Variants in LRP1B observed in about 807,000 individuals in gnomAD.
LRP1B encodes the protein LDL receptor related protein 1B, also known as low-density lipoprotein receptor-related protein 1B.
In LRP1B, 217 loss-of-function variants were observed where a neutral mutation model predicts 556.6. The observed-to-expected ratio is 0.39, with a 90% CI of 0.35 to 0.44. LRP1B has a LOEUF of 0.44. Among genes scored for constraint, LRP1B ranks in the 20% least tolerant of loss-of-function variants. LRP1B has a pLI of 1.00. For missense variants in LRP1B, 5,053 were observed against 5,620.8 expected, an observed-to-expected ratio of 0.90 and a Z score of 3.23; for synonymous variants, 2,047 against 1,865.8, an observed-to-expected ratio of 1.10 and a Z score of -2.50.
At chr2:141,690,048 C>A (rs1691459420) in intron 2 of LRP1B, among the ~76,000 whole-genome samples, 2 of 151,550 alleles carry the variant, frequency 1.3e-5, no homozygotes, top group South Asian at 4.1e-4. Flanking sequence ...AAGAGAAAAA[C>A]TCTTCCATTA....
chr2:141,942,510 A>G (rs1254379295), intron 1 of LRP1B, among the ~76,000 whole-genome samples: 1 of 152,020 alleles, frequency 6.6e-6, no homozygotes, highest in African/African-American at 2.4e-5. Context: ...AAAACAAAAA[A>G]AAAAACAAAA....
intron 34 of LRP1B, 123 bp downstream of exon 34, chr2:140,770,758 T>C: frequency 1.5e-6 from 1 of 657,666 alleles, no homozygotes; most frequent in Non-Finnish European, 2.5e-6. Context: ...CAGTATACCA[T>C]TTCCTAATAA....
intron 3 of LRP1B, among the ~76,000 whole-genome samples, chr2:141,290,004 T>A (rs148309308): frequency 1.6e-3 from 247 of 152,276 alleles, no homozygotes; most frequent in African/African-American, 5.6e-3. Context: ...AACTTGAGGC[T>A]CAGTCAATTT....
intron 4 of LRP1B, 112 bp from the exon 5 acceptor site, chr2:141,247,466 C>A: frequency 1.6e-6 from 2 of 1,230,434 alleles, no homozygotes; most frequent in South Asian, 1.4e-5. Context: ...AAGGAAAAGC[C>A]AATTCCAATA....
In LRP1B at chr2:141,259,317, TC is replaced by T. The variant is rs76383437; in HGVS notation, c.344-4677del. ...TTTACCTCCAACTGTTTCAGTAATT[TC>T]AGGCTATATGAGTGTGGCAGAGAAT... On this transcript the variant is annotated intron_variant, in intron 3 of 90. Coordinates refer to ENST00000389484, the MANE Select transcript of LRP1B (RefSeq NM_018557.3). Among the ~76,000 whole-genome samples, 23 of 131,054 alleles carry T rather than the reference TC, an allele frequency of 1.8e-4. No homozygotes were observed. The East Asian group carries it at 3.4e-3, about 19-fold the overall frequency. 86.0% of individuals were successfully genotyped at this position (131,054 alleles called of 152,430 possible). A position where few individuals can be genotyped will look rare whatever the true frequency, so the allele number is the denominator to read the frequency against.
chr2:140,978,869 G>A (rs1696682918), intron 18 of LRP1B, among the ~76,000 whole-genome samples: 1 of 152,190 alleles, frequency 6.6e-6, no homozygotes. Context: ...CCGATACTCT[G>A]TAAAATCTGG....
intron 5 of LRP1B, among the ~76,000 whole-genome samples, chr2:141,236,399 A>G (rs1490970915): frequency 6.6e-6 from 1 of 152,174 alleles, no homozygotes; most frequent in Non-Finnish European, 1.5e-5. Context: ...AGAATCTAAA[A>G]GAGATGATCT....
chr2:140,661,642 G>T (rs1024917948), intron 41 of LRP1B, among the ~76,000 whole-genome samples: 3 of 152,132 alleles, frequency 2.0e-5, no homozygotes, highest in Admixed American at 2.0e-4. Context: ...ACTCCAGCCT[G>T]GGCAACAGAG....
At chr2:141,333,383 T>A (rs1456769078) in intron 3 of LRP1B, among the ~76,000 whole-genome samples, 2 of 152,172 alleles carry the variant, frequency 1.3e-5, no homozygotes, top group African/African-American at 4.8e-5. Context: ...AGCTCCCTTT[T>A]TTCTTTTATT....
Position 140,354,585 on chromosome 2 carries a change from A to G in LRP1B, c.11531-1513T>C, listed in dbSNP as rs1228865489. Among the ~76,000 whole-genome samples the G allele has an allele frequency of 5.3e-5, 8 of 152,048 alleles. No homozygotes were observed. The Admixed American group carries it at 5.3e-4, about 10-fold the overall frequency. On this transcript the variant is annotated intron_variant, in intron 75 of 90. Transcript: ENST00000389484. ...AACTTTGAACCGGCAGTTATTTGTC[A>G]CTATGGTTTCCCTTTGGTACAGAAT...
rs1253742853 is a variant in LRP1B, at chr2:140,601,571, T to G, written c.6868A>C (p.Thr2290Pro). The G allele has an allele frequency of 1.9e-6, 3 of 1,613,028 alleles. No individual in the cohort carries two copies. In the Admixed American group the frequency reaches 5.0e-5, roughly 27 times the overall value. Residue 2290 changes from threonine (T) to proline (P), a missense_variant, in exon 42 of 91, where the codon ACC becomes CCC. By Grantham distance (38) the Thr-to-Pro change is conservative. Coordinates refer to ENST00000389484, the MANE Select transcript of LRP1B (RefSeq NM_018557.3). The stretch of plus-strand genomic sequence containing the variant: ...ACAGTGTGTCTGGTGATGGATGAGG[T>G]GGTAGAGCTTGTCCAGTACAGTGTA... ...WDTLYWTSST[T>P]SSITRHTVDQ... is the part of the protein sequence containing the mutation.
At chr2:140,573,243 AC>A (rs1681397891) in intron 43 of LRP1B, among the ~76,000 whole-genome samples, 2 of 152,028 alleles carry the variant, frequency 1.3e-5, no homozygotes, top group East Asian at 3.9e-4. Context: ...CACACTGTAT[AC>A]CATAAATATG....
intron 1 of LRP1B, among the ~76,000 whole-genome samples, chr2:142,122,952 A>C (rs1707510169): frequency 6.6e-6 from 1 of 152,082 alleles, no homozygotes; most frequent in African/African-American, 2.4e-5. Flanking sequence ...TATCTATTTT[A>C]GCAAAAGTTT....
chr2:141,700,065 G>T (rs1330564186), intron 2 of LRP1B, among the ~76,000 whole-genome samples: 1 of 151,522 alleles, frequency 6.6e-6, no homozygotes, highest in African/African-American at 2.4e-5. Context: ...ATTGCTTTAT[G>T]CATCAGTACA....
At chr2:140,398,564 T>C (rs998356961) in intron 66 of LRP1B, among the ~76,000 whole-genome samples, 7 of 151,670 alleles carry the variant, frequency 4.6e-5, no homozygotes, top group African/African-American at 1.7e-4. Context: ...TGTCTTCCTG[T>C]TACCCAGGCT....
chr2:141,865,405 A>T (rs894315086), intron 1 of LRP1B, among the ~76,000 whole-genome samples: 3 of 151,562 alleles, frequency 2.0e-5, no homozygotes, highest in Admixed American at 2.0e-4. Context: ...ATCCCGGCTA[A>T]AACGGTGAAA....
intron 76 of LRP1B, among the ~76,000 whole-genome samples, chr2:140,351,925 C>G (rs1055510265): frequency 6.6e-6 from 1 of 152,022 alleles, no homozygotes; most frequent in Non-Finnish European, 1.5e-5. Flanking sequence ...TTAGTGAATT[C>G]CTTGAGGCCA....
chr2:141,295,790 C>CACACACACACACACACACACACACAT (rs963472660), intron 3 of LRP1B, among the ~76,000 whole-genome samples: 1 of 141,198 alleles, frequency 7.1e-6, no homozygotes, highest in East Asian at 2.0e-4. Context: ...CACACACACA[C>CACACACACACACACACACACACACAT]ATAACAGTGG....
intron 32 of LRP1B, among the ~76,000 whole-genome samples, chr2:140,789,130 A>C (rs189698934): frequency 1.8e-4 from 27 of 152,288 alleles, no homozygotes; most frequent in African/African-American, 6.5e-4. Flanking sequence ...TTACTTATTC[A>C]GGGCAGGATA....
Sources: allele counts gnomAD v4.1 joint callset (sites outside exome capture counted in the v4.1 genomes callset), GRCh38; gene constraint gnomAD v4.1.1; transcripts MANE v1.5; gene names NCBI Gene and HGNC (gene_info 2026-07-23, HGNC 2026-07-21).